TBC1D2B: variants seen among roughly 807,000 people sequenced by gnomAD.
TBC1D2B encodes TBC1 domain family member 2B, also known as TBC1 domain family, member 2B.
Under a neutral mutation model 100.8 loss-of-function variants are expected in TBC1D2B, and 64 were observed. The observed-to-expected ratio is 0.64, with a 90% CI of 0.52 to 0.78. The LOEUF is 0.78. TBC1D2B is among the 30% of genes least tolerant of loss of function. The pLI is 0.00. For synonymous variants in TBC1D2B, 480 were observed against 479.7 expected (o/e 1.00, Z -0.01); for missense variants, 1,052 against 1,218.4 (o/e 0.86, Z 2.03).
chr15:77,999,274 G>A (rs2141608973), intron 12 of TBC1D2B: 1 of 455,104 alleles, frequency 2.2e-6, no homozygotes, highest in East Asian at 7.0e-5. Flanking sequence ...AGGACTTCCT[G>A]CCTGTCCCCA....
At chr15:78,061,518 A>G (rs1195537129) in intron 1 of TBC1D2B, among the ~76,000 whole-genome samples, 1 of 151,510 alleles carries the variant, frequency 6.6e-6, no homozygotes, top group Non-Finnish European at 1.5e-5. Context: ...AGCTGCAGTG[A>G]GCCATAACTG....
At chr15:78,040,855 G>GAAAGAAAGAAAGAAAGA (rs2073070158) in intron 3 of TBC1D2B, among the ~76,000 whole-genome samples, 3 of 74,668 alleles carry the variant, frequency 4.0e-5, no homozygotes, top group African/African-American at 1.4e-4. Context: ...AGAAAGAAAG[G>GAAAGAAAGAAAGAAAGA]AAGAAAGAAA....
chr15:78,026,073 A>G (rs1596315085), intron 4 of TBC1D2B, among the ~76,000 whole-genome samples: 2 of 151,998 alleles, frequency 1.3e-5, no homozygotes, highest in East Asian at 3.9e-4. Flanking sequence ...GAAAACTAAG[A>G]CATACTAAGC....
rs759636405 is a variant in TBC1D2B, at chr15:78,013,348, A to G, written c.1776-31T>C. The G allele has an allele frequency of 6.7e-4, 1,022 of 1,532,874 alleles. 1 individual carries two copies. The highest frequency in any genetic ancestry group is 8.3e-4 in the Non-Finnish European group (944 of 1,138,576). The allele number at this position is 1,532,874 out of a possible 1,614,324, so 95.0% of individuals were successfully genotyped here. On this transcript the variant is annotated intron_variant, in intron 8 of 12. Transcript: ENST00000300584. ...GATAAAAACAAAAGGAAAAATTAAA[A>G]TGACAAAGTTTTAGCAACAAAGACC...
At chr15:78,073,385 G>T (rs191767119) in intron 1 of TBC1D2B, among the ~76,000 whole-genome samples, 1 of 152,260 alleles carries the variant, frequency 6.6e-6, no homozygotes, top group East Asian at 1.9e-4. Flanking sequence ...AATAAGAAAA[G>T]TGCTGATTTT....
At chr15:78,011,944 G>T (rs142743153) in intron 9 of TBC1D2B, among the ~76,000 whole-genome samples, 128 of 151,996 alleles carry the variant, frequency 8.4e-4, no homozygotes, top group African/African-American at 3.0e-3. Flanking sequence ...ACCGCACACA[G>T]CCAATTTTTT....
At chr15:78,072,617 T>C (rs528822866) in intron 1 of TBC1D2B, among the ~76,000 whole-genome samples, 1 of 152,340 alleles carries the variant, frequency 6.6e-6, no homozygotes, top group South Asian at 2.1e-4. Context: ...CAGTTACGTG[T>C]GGCTCAGAAA....
intron 10 of TBC1D2B, among the ~76,000 whole-genome samples, chr15:78,006,488 G>T (rs943301069): frequency 4.6e-5 from 7 of 152,232 alleles, no homozygotes; most frequent in African/African-American, 1.7e-4. Flanking sequence ...CTGGGACAGG[G>T]ACCTGAAGGG....
Position 78,044,600 on chromosome 15 carries a change from A to G in TBC1D2B, c.683+300T>C, listed in dbSNP as rs139917490. ...TGCAGCCTGGAAGAATTGTGACCTC[A>G]GACACATACTCTCCTTCAGCCAGTT... On this transcript the variant is annotated intron_variant, in intron 3 of 12. Coordinates refer to ENST00000300584, the MANE Select transcript of TBC1D2B (RefSeq NM_144572.2). Among the ~76,000 whole-genome samples the G allele has an allele frequency of 2.4e-3, 370 of 152,344 alleles. 2 individuals carry two copies. The highest frequency in any genetic ancestry group is 3.0e-3 in the Non-Finnish European group (203 of 68,024).
At chr15:78,043,832 G>A (rs190503420) in intron 3 of TBC1D2B, among the ~76,000 whole-genome samples, 15 of 152,106 alleles carry the variant, frequency 9.9e-5, no homozygotes, top group Non-Finnish European at 1.0e-4. Context: ...AGACCAGCCC[G>A]TGCAAGATAG....
rs879183677 is a variant in TBC1D2B at position 77,996,034 on chromosome 15, C to T, written c.*2126G>A. On this transcript the variant is annotated 3_prime_UTR_variant, in exon 13 of 13. Coordinates refer to ENST00000300584, the MANE Select transcript of TBC1D2B (RefSeq NM_144572.2). ...TTCCCAAACTTTAACCAGGCGGAGC[C>T]GCCCTCTCTTGCCTTCTGGACACGC... 7.3e-5 allele frequency: 11 copies of T among 151,406 alleles called. No individual in the cohort carries two copies. The highest frequency in any genetic ancestry group is 4.2e-4 in the South Asian group (2 of 4,766). The allele number at this position is 151,406 out of a possible 1,614,324, so 9.4% of individuals were successfully genotyped here. A position where few individuals can be genotyped will look rare whatever the true frequency, so the allele number is the denominator to read the frequency against.
At chr15:78,051,054 G>A (rs1199063361) in intron 2 of TBC1D2B, among the ~76,000 whole-genome samples, 1 of 152,184 alleles carries the variant, frequency 6.6e-6, no homozygotes, top group Admixed American at 6.5e-5. Flanking sequence ...GCTAGCATGA[G>A]CAGGAAAGCT....
intron 4 of TBC1D2B, among the ~76,000 whole-genome samples, chr15:78,029,406 T>C (rs1214405906): frequency 1.3e-5 from 2 of 152,244 alleles, no homozygotes; most frequent in East Asian, 1.9e-4. Flanking sequence ...GTACATACTA[T>C]AGCATTTGCA....
At chr15:78,004,528 C>A (rs2072015170) in intron 10 of TBC1D2B, among the ~76,000 whole-genome samples, 1 of 152,178 alleles carries the variant, frequency 6.6e-6, no homozygotes, top group Non-Finnish European at 1.5e-5. Context: ...CAGGGGCTTT[C>A]CTCACAAAAA....
At chr15:78,007,779 G>A (rs1169157821) in intron 10 of TBC1D2B, among the ~76,000 whole-genome samples, 4 of 152,212 alleles carry the variant, frequency 2.6e-5, no homozygotes, top group East Asian at 3.8e-4. Flanking sequence ...GAAGGGAGCC[G>A]GTGGGGTCAG....
At chr15:78,068,359 G>A (rs2073691382) in intron 1 of TBC1D2B, among the ~76,000 whole-genome samples, 1 of 142,752 alleles carries the variant, frequency 7.0e-6, no homozygotes, top group Non-Finnish European at 1.5e-5. Flanking sequence ...GTTTCACCAT[G>A]AAATGAAAGC....
intron 3 of TBC1D2B, among the ~76,000 whole-genome samples, chr15:78,031,261 A>G (rs1294769000): frequency 6.6e-6 from 1 of 152,226 alleles, no homozygotes; most frequent in Non-Finnish European, 1.5e-5. Flanking sequence ...AGGATCAAGA[A>G]GAGAGGATTT....
intron 10 of TBC1D2B, among the ~76,000 whole-genome samples, chr15:78,007,405 A>G (rs2072096099): frequency 6.6e-6 from 1 of 152,202 alleles, no homozygotes; most frequent in Non-Finnish European, 1.5e-5. Flanking sequence ...AAAAGGGGAC[A>G]CAGATGTAAG....
chr15:78,027,058 G>GA (rs368174591), intron 4 of TBC1D2B, among the ~76,000 whole-genome samples: 33 of 145,808 alleles, frequency 2.3e-4, no homozygotes, highest in East Asian at 4.0e-4. Flanking sequence ...CACTAAAAAA[G>GA]AAAAAAAAAA....
Sources: gnomAD v4.1 joint callset for allele counts (sites outside exome capture counted in the v4.1 genomes callset) on GRCh38, gnomAD v4.1.1 for gene constraint, MANE v1.5 for transcripts, NCBI Gene and HGNC (gene_info 2026-07-23, HGNC 2026-07-21) for gene names.